Variants in EPHA3 observed in about 807,000 individuals in gnomAD.
EPHA3 encodes ephrin type-A receptor 3.
Under a neutral mutation model 107.1 loss-of-function variants are expected in EPHA3, and 42 were observed. That is an observed-to-expected ratio of 0.39 (90% CI 0.31 to 0.51). EPHA3 has a LOEUF of 0.51. Ranked by LOEUF, EPHA3 falls within the 20% of genes least tolerant of loss-of-function variation. The probability of loss-of-function intolerance (pLI) is 0.78; values close to 1 mark genes in which losing one functional copy is unlikely to be tolerated. For missense variants in EPHA3, 1,183 were observed against 1,211.2 expected (o/e 0.98, Z 0.35); for synonymous variants, 461 against 424.8 (o/e 1.09, Z -1.05).
At chr3:89,410,537 A>G (rs1258096420) in intron 9 of EPHA3, among the ~76,000 whole-genome samples, 4 of 151,942 alleles carry the variant, frequency 2.6e-5, no homozygotes, top group African/African-American at 9.7e-5. Flanking sequence ...AAACAGTTCC[A>G]TTTTACCTTA....
At position 89,409,570 on chromosome 3, in the gene EPHA3, G is replaced by A. The variant is rs1406662084; in HGVS notation, c.1762+1439G>A. ...GCTATTGTTTTTATGGTGGATTTTT[G>A]TTGAAACTTTAATTTTTTTCAAATG... On this transcript the variant is annotated intron_variant, in intron 9 of 16. Transcript: ENST00000336596. Among the ~76,000 whole-genome samples the A allele has an allele frequency of 2.0e-5, 3 of 151,848 alleles. No individual in the cohort carries two copies. The East Asian group carries it at 5.8e-4, about 30-fold the overall frequency.
At chr3:89,297,414 G>A (rs1417213177) in intron 3 of EPHA3, among the ~76,000 whole-genome samples, 1 of 152,150 alleles carries the variant, frequency 6.6e-6, no homozygotes, top group Admixed American at 6.6e-5. Flanking sequence ...CAGAGGAGAA[G>A]CAGAGAGATA....
intron 5 of EPHA3, among the ~76,000 whole-genome samples, chr3:89,359,780 T>TAC (rs1260749380): frequency 7.0e-6 from 1 of 142,968 alleles, no homozygotes; most frequent in Admixed American, 7.2e-5. Flanking sequence ...CACATATATA[T>TAC]ACATATATAT....
intron 2 of EPHA3, among the ~76,000 whole-genome samples, chr3:89,141,538 C>T (rs1389652026): frequency 3.3e-5 from 5 of 151,566 alleles, no homozygotes; most frequent in Non-Finnish European, 3.0e-5. Context: ...TACATCAGAA[C>T]CATCTGAAGG....
At chr3:89,146,068 C>T (rs755361784) in intron 2 of EPHA3, among the ~76,000 whole-genome samples, 3 of 151,822 alleles carry the variant, frequency 2.0e-5, no homozygotes, top group Non-Finnish European at 4.4e-5. Context: ...GGTCTGAAAA[C>T]ATTACATGGA....
chr3:89,314,068 A>C (rs1706835737), intron 3 of EPHA3, among the ~76,000 whole-genome samples: 1 of 151,912 alleles, frequency 6.6e-6, no homozygotes, highest in Non-Finnish European at 1.5e-5. Flanking sequence ...GCATCTCAAC[A>C]TGCCCTTGTC....
At chr3:89,271,510 C>G (rs1433374500) in intron 3 of EPHA3, among the ~76,000 whole-genome samples, 1 of 151,896 alleles carries the variant, frequency 6.6e-6, no homozygotes, top group East Asian at 1.9e-4. Context: ...GTTCTTGAAA[C>G]TGATCATGTC....
At chr3:89,379,371 A>G (rs1467061426) in intron 5 of EPHA3, among the ~76,000 whole-genome samples, 3 of 152,190 alleles carry the variant, frequency 2.0e-5, no homozygotes, top group Non-Finnish European at 4.4e-5. Flanking sequence ...CTTTGTTTGT[A>G]TAAATATGCA....
rs975092266 is a variant in EPHA3 at position 89,481,114 on chromosome 3, A to G, written c.*1612A>G. ...ATGATCTTGAGTATAAGAAATGCAT[A>G]TGTCACTAGAATGGATAAAATAATG... On this transcript the variant is annotated 3_prime_UTR_variant, in exon 17 of 17. Transcript: ENST00000336596. 5 of 231,960 alleles carry G rather than the reference A, an allele frequency of 2.2e-5. No homozygotes were observed. The highest frequency in any genetic ancestry group is 6.6e-5 in the African/African-American group (3 of 45,300). The allele number at this position is 231,960 out of a possible 1,614,324, so 14.4% of individuals were successfully genotyped here.
chr3:89,363,279 G>A (rs1165828638), intron 5 of EPHA3, among the ~76,000 whole-genome samples: 2 of 150,248 alleles, frequency 1.3e-5, no homozygotes, highest in African/African-American at 4.9e-5. Flanking sequence ...ATAGCGAGGG[G>A]GCAGGAGACA....
intron 13 of EPHA3, among the ~76,000 whole-genome samples, chr3:89,447,981 G>A (rs1709910998): frequency 6.6e-6 from 1 of 152,148 alleles, no homozygotes; most frequent in Non-Finnish European, 1.5e-5. Context: ...TTTTGAGGAT[G>A]TGAGTTCTTT....
intron 11 of EPHA3, among the ~76,000 whole-genome samples, chr3:89,424,720 A>T (rs1559691209): frequency 6.6e-6 from 1 of 151,494 alleles, no homozygotes; most frequent in Non-Finnish European, 1.5e-5. Context: ...ATCAAACAAC[A>T]TATTAAGAGT....
At chr3:89,163,924 GGAATGAGATCTTTAAATCT>G (rs1311171096) in intron 2 of EPHA3, among the ~76,000 whole-genome samples, 4 of 152,134 alleles carry the variant, frequency 2.6e-5, no homozygotes, top group African/African-American at 9.7e-5. Context: ...GGCTGATTAA[GGAATGAGATCTTTAAATCT>G]GATTGTGCCT....
chr3:89,249,621 C>CTGCTAATTTTTGTATT (rs1705114810), intron 3 of EPHA3, among the ~76,000 whole-genome samples: 1 of 151,912 alleles, frequency 6.6e-6, no homozygotes, highest in South Asian at 2.1e-4. Context: ...CCACCATGCC[C>CTGCTAATTTTTGTATT]TGCTAATTTT....
chr3:89,419,770 T>A (rs183378571), intron 11 of EPHA3, among the ~76,000 whole-genome samples: 9 of 151,538 alleles, frequency 5.9e-5, no homozygotes, highest in African/African-American at 2.2e-4. Flanking sequence ...TTATTGTTCA[T>A]CAGTTTTATT....
At chr3:89,313,685 A>C (rs1332387509) in intron 3 of EPHA3, among the ~76,000 whole-genome samples, 1 of 151,892 alleles carries the variant, frequency 6.6e-6, no homozygotes, top group East Asian at 1.9e-4. Flanking sequence ...TATAAAGCCA[A>C]ATATACAGTC....
At position 89,218,237 on chromosome 3, in the gene EPHA3, C is replaced by A. The variant is rs556340841; in HGVS notation, c.814+7717C>A. Among the ~76,000 whole-genome samples, 33 of 150,836 alleles carry A rather than the reference C, an allele frequency of 2.2e-4. No individual in the cohort carries two copies. The Middle Eastern group carries it at 0.028, about 128-fold the overall frequency. On this transcript the variant is annotated intron_variant, in intron 3 of 16. Coordinates refer to ENST00000336596, the MANE Select transcript of EPHA3 (RefSeq NM_005233.6). The stretch of plus-strand genomic sequence containing the variant: ...CATGTGCCATGTTGGTGTGCTGCAC[C>A]CATTATCTCCTCATTTGGCATTAGG...
intron 3 of EPHA3, among the ~76,000 whole-genome samples, chr3:89,233,868 G>C (rs1175511249): frequency 6.6e-6 from 1 of 152,130 alleles, no homozygotes; most frequent in African/African-American, 2.4e-5. Flanking sequence ...ATCTGTATCA[G>C]GTGCTTATAA....
intron 14 of EPHA3, among the ~76,000 whole-genome samples, chr3:89,449,666 T>C (rs953896579): frequency 2.6e-5 from 4 of 152,154 alleles, no homozygotes; most frequent in Admixed American, 6.5e-5. Flanking sequence ...CTAATGCACA[T>C]TGAAGTTTGA....
Sources: gnomAD v4.1 joint callset for allele counts (sites outside exome capture counted in the v4.1 genomes callset) on GRCh38, gnomAD v4.1.1 for gene constraint, MANE v1.5 for transcripts, NCBI Gene and HGNC (gene_info 2026-07-23, HGNC 2026-07-21) for gene names.